Variants in TENM3 observed in about 807,000 individuals in gnomAD.
TENM3 encodes teneurin transmembrane protein 3.
In TENM3, 63 loss-of-function variants were observed where a neutral mutation model predicts 255.1. The ratio of observed to expected loss-of-function variants is 0.25; its 90% CI spans 0.20 to 0.30. The LOEUF (loss-of-function observed/expected upper bound fraction) is 0.30. TENM3 is among the 10% of genes least tolerant of loss of function. TENM3 has a pLI of 1.00. For missense variants in TENM3, 2,929 were observed against 3,461.1 expected, an observed-to-expected ratio of 0.85 and a Z score of 3.86; for synonymous variants, 1,306 against 1,322.3, an observed-to-expected ratio of 0.99 and a Z score of 0.27.
chr4:181,474,756 A>C, the TENM3 span, among the ~76,000 whole-genome samples: 6 of 148,888 alleles, frequency 4.0e-5, no homozygotes, highest in African/African-American at 1.5e-4. Flanking sequence ...AAAAAAAACA[A>C]AGAAAGTTTC....
the TENM3 span, among the ~76,000 whole-genome samples, chr4:181,700,655 A>G: frequency 6.6e-6 from 1 of 152,216 alleles, no homozygotes; most frequent in Admixed American, 6.5e-5. Context: ...CCTCTACTCC[A>G]TTGCTGCAAA....
chr4:182,647,120 A>C (rs1388986602), intron 5 of TENM3, among the ~76,000 whole-genome samples: 1 of 152,232 alleles, frequency 6.6e-6, no homozygotes, highest in African/African-American at 2.4e-5. Context: ...TGGTCACTTC[A>C]TACCGTCTGG....
the TENM3 span, among the ~76,000 whole-genome samples, chr4:181,521,296 T>C: frequency 3.3e-5 from 5 of 152,228 alleles, no homozygotes; most frequent in African/African-American, 1.2e-4. Flanking sequence ...TTCCTCGCTC[T>C]TTGTTATGAG....
chr4:181,896,796 C>T, the TENM3 span, among the ~76,000 whole-genome samples: 51,368 of 152,080 alleles, frequency 0.34, 9,493 homozygotes, highest in Middle Eastern at 0.48. Flanking sequence ...AGCCTCTGCC[C>T]AGATGCTCCA....
chr4:182,800,374 C>T lies in TENM3; in HGVS notation c.*23C>T. 2.6e-6 allele frequency: 4 copies of T among 1,536,714 alleles called. No homozygotes were observed. Among genetic ancestry groups the T allele is most frequent in the African/African-American group, 1.4e-5 (1 of 72,892 alleles). On this transcript the variant is annotated 3_prime_UTR_variant, in exon 28 of 28. Transcript: ENST00000511685. ...TAACGCCCGGGCCGCGCCCGCCGAG[C>T]CGCTCACGCCCTGCCCACATTGTCC...
At chr4:181,777,351 C>A in the TENM3 span, among the ~76,000 whole-genome samples, 1 of 152,098 alleles carries the variant, frequency 6.6e-6, no homozygotes, top group Non-Finnish European at 1.5e-5. Context: ...CGTGATGCCT[C>A]CAGCTTCATT....
chr4:181,873,092 G>C, the TENM3 span, among the ~76,000 whole-genome samples: 12 of 151,008 alleles, frequency 7.9e-5, no homozygotes, highest in African/African-American at 2.4e-4. Context: ...TTTCCAGATG[G>C]AGTATCGCTT....
intron 1 of TENM3, among the ~76,000 whole-genome samples, chr4:182,204,036 G>A (rs533228963): frequency 7.2e-5 from 11 of 152,324 alleles, no homozygotes; most frequent in Admixed American, 2.6e-4. Flanking sequence ...GCATCAGAGC[G>A]CCGACAGTAA....
intron 3 of TENM3, among the ~76,000 whole-genome samples, chr4:182,347,600 T>C (rs964116899): frequency 6.7e-6 from 1 of 148,722 alleles, no homozygotes; most frequent in Non-Finnish European, 1.5e-5. Context: ...TTTTTGTATA[T>C]TGTAAGAAAA....
At chr4:181,453,719 G>T in the TENM3 span, among the ~76,000 whole-genome samples, 2 of 152,080 alleles carry the variant, frequency 1.3e-5, no homozygotes, top group African/African-American at 2.4e-5. Context: ...ATCCTGCATG[G>T]TTTGAGAGGA....
the TENM3 span, among the ~76,000 whole-genome samples, chr4:181,546,310 G>A: frequency 1.3e-5 from 2 of 152,106 alleles, no homozygotes; most frequent in Admixed American, 6.5e-5. Context: ...AGAAACTCGT[G>A]CTCACAGTAC....
At chr4:181,525,756 T>C in the TENM3 span, among the ~76,000 whole-genome samples, 1 of 152,164 alleles carries the variant, frequency 6.6e-6, no homozygotes, top group Non-Finnish European at 1.5e-5. Context: ...AATGTAGCAG[T>C]CAAGAGCTGT....
the TENM3 span, among the ~76,000 whole-genome samples, chr4:181,997,465 C>G: frequency 6.6e-6 from 1 of 152,166 alleles, no homozygotes; most frequent in Non-Finnish European, 1.5e-5. Flanking sequence ...ATATTGGCCT[C>G]ATGTTCTCCC....
intron 3 of TENM3, among the ~76,000 whole-genome samples, chr4:182,413,028 C>A (rs1770106052): frequency 6.6e-6 from 1 of 151,600 alleles, no homozygotes; most frequent in Non-Finnish European, 1.5e-5. Flanking sequence ...GTTGACCTGA[C>A]AAGTAGTGTT....
chr4:182,207,403 T>C (rs2149865634), intron 1 of TENM3, among the ~76,000 whole-genome samples: 1 of 152,358 alleles, frequency 6.6e-6, no homozygotes, highest in Admixed American at 6.5e-5. Context: ...AGTTATTTAC[T>C]TCATTTTTAA....
the TENM3 span, among the ~76,000 whole-genome samples, chr4:182,034,807 C>G: frequency 6.6e-6 from 1 of 152,082 alleles, no homozygotes; most frequent in Non-Finnish European, 1.5e-5. Context: ...TTTCTGGCTC[C>G]CCTTAACATT....
At chr4:182,298,759 G>T (rs1761651548) in intron 1 of TENM3, among the ~76,000 whole-genome samples, 1 of 151,872 alleles carries the variant, frequency 6.6e-6, no homozygotes. Flanking sequence ...GATCACCTGA[G>T]GTCTGGAGTT....
chr4:181,736,865 G>A, the TENM3 span, among the ~76,000 whole-genome samples: 277 of 152,048 alleles, frequency 1.8e-3, no homozygotes, highest in Non-Finnish European at 2.5e-3. Flanking sequence ...GGGAAGAGGC[G>A]ATGCACGTGC....
At chr4:181,842,777 ATAT>A in the TENM3 span, among the ~76,000 whole-genome samples, 1 of 152,188 alleles carries the variant, frequency 6.6e-6, no homozygotes, top group African/African-American at 2.4e-5. Context: ...GTGTGTATTG[ATAT>A]TATTGATCAC....
Sources: gnomAD v4.1 joint callset for allele counts (sites outside exome capture counted in the v4.1 genomes callset) on GRCh38, gnomAD v4.1.1 for gene constraint, MANE v1.5 for transcripts, NCBI Gene and HGNC (gene_info 2026-07-23, HGNC 2026-07-21) for gene names.